The following LAMC1 variants were observed in gnomAD, a reference collection of about 807,000 sequenced individuals.
The protein encoded by LAMC1 is laminin subunit gamma 1, also known as laminin subunit gamma-1.
Under a neutral mutation model 173.6 loss-of-function variants are expected in LAMC1, and 38 were observed. That is an observed-to-expected ratio of 0.22 (90% CI 0.17 to 0.29). LAMC1 has a LOEUF of 0.29. Ranked by LOEUF, LAMC1 falls within the 10% of genes least tolerant of loss-of-function variation. The pLI, the probability that LAMC1 is intolerant of heterozygous loss-of-function variation, is 1.00. For missense variants in LAMC1, 1,824 were observed against 2,051.8 expected, an observed-to-expected ratio of 0.89 and a Z score of 2.14; for synonymous variants, 746 against 749.1, an observed-to-expected ratio of 1.00 and a Z score of 0.07.
chr1:183,026,413 C>G (rs565353669), intron 1 of LAMC1, among the ~76,000 whole-genome samples: 57 of 152,130 alleles, frequency 3.7e-4, no homozygotes, highest in African/African-American at 6.7e-4. Flanking sequence ...TCCTCCCCCC[C>G]CCTTTAATGA....
At chr1:183,086,148 T>C (rs1010767048) in intron 1 of LAMC1, among the ~76,000 whole-genome samples, 14 of 152,230 alleles carry the variant, frequency 9.2e-5, no homozygotes, top group African/African-American at 3.4e-4. Flanking sequence ...TGAAATTATA[T>C]TTTTGTGGAA....
At chr1:183,066,563 C>A (rs1392067057) in intron 1 of LAMC1, among the ~76,000 whole-genome samples, 1 of 152,188 alleles carries the variant, frequency 6.6e-6, no homozygotes, top group African/African-American at 2.4e-5. Context: ...CCCAAATGTC[C>A]GTCAGTGATA....
At chr1:183,066,643 A>G (rs1009525266) in intron 1 of LAMC1, among the ~76,000 whole-genome samples, 8 of 152,244 alleles carry the variant, frequency 5.3e-5, no homozygotes, top group African/African-American at 1.9e-4. Context: ...GGATGAGTTC[A>G]TGTCATTTGC....
At chr1:183,059,139 G>A (rs1654678691) in intron 1 of LAMC1, among the ~76,000 whole-genome samples, 1 of 152,154 alleles carries the variant, frequency 6.6e-6, no homozygotes, top group South Asian at 2.1e-4. Flanking sequence ...CTCTAGCTCA[G>A]GTCTTCACAG....
chr1:183,074,111 T>C (rs905857437), intron 1 of LAMC1, among the ~76,000 whole-genome samples: 3 of 152,190 alleles, frequency 2.0e-5, no homozygotes, highest in African/African-American at 7.2e-5. Context: ...TTTTCTGTTC[T>C]AAAAAAATGA....
chr1:183,055,818 A>T (rs1654576289), intron 1 of LAMC1, among the ~76,000 whole-genome samples: 1 of 152,166 alleles, frequency 6.6e-6, no homozygotes, highest in African/African-American at 2.4e-5. Context: ...TCTCAAAAAA[A>T]AGAAAAAAAA....
At position 183,099,235 on chromosome 1, in the gene LAMC1, C is replaced by T. The variant is rs577115289; in HGVS notation, c.419-4093C>T. Among the ~76,000 whole-genome samples the T allele has an allele frequency of 6.0e-4, 91 of 152,154 alleles. 1 individual carries two copies. Among genetic ancestry groups the T allele is most frequent in the Admixed American group, 5.7e-3 (87 of 15,296 alleles). ...TCCTGAGTAGCTGGGATTACAGGCGCGTACCACCACGCCTGGCTAATTTTT... is the reference window on the plus strand; with the variant it reads ...TCCTGAGTAGCTGGGATTACAGGCGTGTACCACCACGCCTGGCTAATTTTT... On this transcript the variant is annotated intron_variant, in intron 1 of 27. Coordinates refer to ENST00000258341, the MANE Select transcript of LAMC1 (RefSeq NM_002293.4).
Position 183,131,270 on chromosome 1 carries a change from T to G in LAMC1, c.3487-29T>G, listed in dbSNP as rs572370145. The G allele has an allele frequency of 1.2e-5, 18 of 1,565,026 alleles. 1 individual carries two copies. The East Asian group carries it at 3.6e-4, about 31-fold the overall frequency. On this transcript the variant is annotated intron_variant, in intron 19 of 27. Transcript: ENST00000258341. ...ATTAAATGTAAATAATTCAGTCCTT[T>G]GAGAATAAGTGCTTTATTTCCTGTG...
intron 1 of LAMC1, chr1:183,096,674 A>G (rs1012966917): frequency 9.9e-5 from 15 of 152,232 alleles, no homozygotes; most frequent in African/African-American, 3.6e-4. Context: ...ACTATTTTAT[A>G]CAAAACTGTA....
At chr1:183,028,094 A>C (rs1410887396) in intron 1 of LAMC1, among the ~76,000 whole-genome samples, 1 of 151,990 alleles carries the variant, frequency 6.6e-6, no homozygotes, top group East Asian at 1.9e-4. Context: ...TCTCCATTCT[A>C]AGGGCATTCA....
At chr1:183,066,304 C>T (rs1558037253) in intron 1 of LAMC1, among the ~76,000 whole-genome samples, 1 of 152,174 alleles carries the variant, frequency 6.6e-6, no homozygotes, top group Non-Finnish European at 1.5e-5. Context: ...TGAAAAGCAT[C>T]TGCCATGCTG....
chr1:183,093,627 C>T (rs1655619183), intron 1 of LAMC1, among the ~76,000 whole-genome samples: 1 of 152,186 alleles, frequency 6.6e-6, no homozygotes, highest in Admixed American at 6.5e-5. Flanking sequence ...TCTCTTGCTG[C>T]AGCCTTTTCC....
intron 11 of LAMC1, among the ~76,000 whole-genome samples, chr1:183,120,095 A>G (rs1415998734): frequency 6.7e-6 from 1 of 148,748 alleles, no homozygotes; most frequent in Non-Finnish European, 1.5e-5. Context: ...CATGAACCCA[A>G]GAGGTCAAGC....
intron 1 of LAMC1, among the ~76,000 whole-genome samples, chr1:183,048,805 C>CA (rs1452670717): frequency 1.3e-5 from 2 of 152,130 alleles, no homozygotes; most frequent in African/African-American, 4.8e-5. Context: ...CATCCTCACA[C>CA]GTGTCTTTTA....
intron 1 of LAMC1, among the ~76,000 whole-genome samples, chr1:183,082,052 C>G (rs762028502): frequency 3.3e-5 from 5 of 152,092 alleles, no homozygotes; most frequent in African/African-American, 9.7e-5. Flanking sequence ...TCCTCTGTAT[C>G]TTTTTGTAGC....
chr1:183,046,193 G>A (rs1049367134), intron 1 of LAMC1, among the ~76,000 whole-genome samples: 2 of 152,018 alleles, frequency 1.3e-5, no homozygotes, highest in African/African-American at 4.8e-5. Context: ...AGGATCTTCT[G>A]AAGTTTTGCC....
Position 183,115,545 on chromosome 1 carries a change from T to C in LAMC1, c.1236T>C (p.Ser412=). The change falls in exon 6 of 28, where the codon AGT becomes AGC. Residue 412 remains serine (S), a synonymous_variant. Coordinates refer to ENST00000258341, the MANE Select transcript of LAMC1 (RefSeq NM_002293.4). The part of the protein sequence containing the change: ...PVGSLSTQCD[S]YGRCSCKPGV... ...GCTCTCTAAGCACACAGTGTGATAG[T>C]TACGGCAGATGCAGCTGTAAGCCAG... is the stretch of plus-strand genomic sequence containing the variant. 6.2e-7 allele frequency: 1 copy of C among 1,613,980 alleles called. No homozygotes were observed. The highest frequency in any genetic ancestry group is 8.5e-7 in the Non-Finnish European group (1 of 1,179,846).
At chr1:183,109,765 G>A (rs180820963) in intron 3 of LAMC1, among the ~76,000 whole-genome samples, 1 of 152,238 alleles carries the variant, frequency 6.6e-6, no homozygotes, top group Admixed American at 6.5e-5. Flanking sequence ...GGAACATTAC[G>A]ACTCCATGGT....
chr1:183,124,634 A>G lies in LAMC1; in HGVS notation c.2405A>G (p.Lys802Arg), dbSNP rs1350649958. The G allele has an allele frequency of 6.2e-6, 10 of 1,614,132 alleles. No individual in the cohort carries two copies. The highest frequency in any genetic ancestry group is 1.7e-5 in the Admixed American group (1 of 60,028). ...CATCAGATTGTCTCATCCCCAGGTA[A>G]GAGATGTGAGCTCTGTGATGATGGC... ...CTNCPTGTTGKRCELCDDGYF... is the reference protein window; with the variant it reads ...CTNCPTGTTGRRCELCDDGYF... The change falls in exon 14 of 28, where the codon AAG becomes AGG. Residue 802 changes from lysine (K) to arginine (R), a missense_variant. Transcript: ENST00000258341.
Sources: gnomAD v4.1 joint callset for allele counts (sites outside exome capture counted in the v4.1 genomes callset) on GRCh38, gnomAD v4.1.1 for gene constraint, MANE v1.5 for transcripts, NCBI Gene and HGNC (gene_info 2026-07-23, HGNC 2026-07-21) for gene names.